The following OVCA2 variants were observed in gnomAD, a reference collection of about 807,000 sequenced individuals.
OVCA2 encodes esterase OVCA2.
Under a neutral mutation model 10.1 loss-of-function variants are expected in OVCA2, and 14 were observed. That is an observed-to-expected ratio of 1.39 (90% CI 0.92 to 2.17). The LOEUF (loss-of-function observed/expected upper bound fraction) is 2.17. OVCA2 is among the 30% of genes most tolerant of loss of function. OVCA2 has a pLI of 0.00. For synonymous variants in OVCA2, 201 were observed against 134.1 expected (o/e 1.50, Z -3.45); for missense variants, 376 against 300.5 (o/e 1.25, Z -1.86).
chr17:2,042,438 T>G (rs2067556781), intron 1 of OVCA2, 167 bp from the exon 2 acceptor site: 2 of 1,273,016 alleles, frequency 1.6e-6, no homozygotes, highest in African/African-American at 1.5e-5. Flanking sequence ...CTCCGCTGTC[T>G]CCTGTTCAGG....
Position 2,042,495 on chromosome 17 carries a change from C to G in OVCA2, c.185-110C>G, listed in dbSNP as rs558641493. 677 of 1,424,536 alleles carry G rather than the reference C, an allele frequency of 4.8e-4. 2 individuals are homozygous for G. Among genetic ancestry groups the G allele is most frequent in the Middle Eastern group, 2.1e-3 (11 of 5,264 alleles). The allele number at this position is 1,424,536 out of a possible 1,614,324, so 88.2% of individuals were successfully genotyped here. Reference sequence around the variant, plus strand: ...TCTCATTTCCCCCAGACTTTTGCCTCGATTCCCTTTTTCTCTCTGTCATCT... The same window carrying G: ...TCTCATTTCCCCCAGACTTTTGCCTGGATTCCCTTTTTCTCTCTGTCATCT... On this transcript the variant is annotated intron_variant, in intron 1 of 1. Transcript: ENST00000572195.
rs1227107128 is a variant in OVCA2 at position 2,042,182 on chromosome 17, G to A, written c.135G>A (p.Pro45=). The change falls in exon 1 of 2, where the codon CCG becomes CCA. Residue 45 remains proline (P), a synonymous_variant. Coordinates refer to ENST00000572195, the MANE Select transcript of OVCA2 (RefSeq NM_080822.3). ...CCGAGCTCGTGTGCCTCAGCGGCCC[G>A]CACCCGGTCCCCGACCCCCCGGGCC... ...GRAELVCLSG[P]HPVPDPPGPE... 1 of 1,448,254 alleles carries A rather than the reference G, an allele frequency of 6.9e-7. No individual in the cohort carries two copies. The highest frequency in any genetic ancestry group is 2.7e-5 in the Admixed American group (1 of 36,570). The allele number at this position is 1,448,254 out of a possible 1,614,324, so 89.7% of individuals were successfully genotyped here.
Position 2,042,077 on chromosome 17 carries a change from G to C in OVCA2, c.30G>C (p.Leu10=). 2 of 1,563,086 alleles carry C rather than the reference G, an allele frequency of 1.3e-6. No homozygotes were observed. The highest frequency in any genetic ancestry group is 1.7e-6 in the Non-Finnish European group (2 of 1,163,896). The change falls in exon 1 of 2, where the codon CTG becomes CTC. Residue 10 remains leucine (L), a synonymous_variant. Coordinates refer to ENST00000572195, the MANE Select transcript of OVCA2 (RefSeq NM_080822.3). ...CCGCGCAGCGACCCCTGCGGGTCCT[G>C]TGCCTGGCGGGCTTCCGGCAGAGCG... MAAQRPLRV[L]CLAGFRQSER... is the part of the protein sequence containing the mutation.
Position 2,042,596 on chromosome 17 carries a change from T to G in OVCA2, c.185-9T>G. The G allele has an allele frequency of 2.6e-6, 4 of 1,510,510 alleles. No homozygotes were observed. Among genetic ancestry groups the G allele is most frequent in the Middle Eastern group, 1.8e-4 (1 of 5,580 alleles). 93.6% of individuals were successfully genotyped at this position (1,510,510 alleles called of 1,614,324 possible). ...CCTAATCCCATCCTTTTTCCTCATATCGCTGTAGGGTCCTGCCCTCCGGAG... is the reference window on the plus strand; with the variant it reads ...CCTAATCCCATCCTTTTTCCTCATAGCGCTGTAGGGTCCTGCCCTCCGGAG... On this transcript the variant is annotated splice_polypyrimidine_tract_variant and intron_variant, in intron 1 of 1. Transcript: ENST00000572195.
rs201458913 is a variant in OVCA2, at chr17:2,042,196, A to G, written c.149A>G (p.Asp50Gly). Reference sequence around the variant, plus strand: ...CTCAGCGGCCCGCACCCGGTCCCCGACCCCCCGGGCCCCGAGGGCGCCAGA... The same window carrying G: ...CTCAGCGGCCCGCACCCGGTCCCCGGCCCCCCGGGCCCCGAGGGCGCCAGA... Reference protein sequence around the residue: ...VCLSGPHPVPDPPGPEGARSD... With the variant: ...VCLSGPHPVPGPPGPEGARSD... Residue 50 changes from aspartate (D) to glycine (G), a missense_variant, in exon 1 of 2, where the codon GAC (aspartate) becomes GGC (glycine). Coordinates refer to ENST00000572195, the MANE Select transcript of OVCA2 (RefSeq NM_080822.3). 1,740 of 1,413,932 alleles carry G rather than the reference A, an allele frequency of 1.2e-3. 6 individuals are homozygous for G. Among genetic ancestry groups the G allele is most frequent in the Admixed American group, 1.8e-3 (60 of 33,596 alleles). 87.6% of individuals were successfully genotyped at this position (1,413,932 alleles called of 1,614,324 possible). A position where few individuals can be genotyped will look rare whatever the true frequency, so the allele number is the denominator to read the frequency against.
In OVCA2 at chr17:2,043,334, T is replaced by G; in HGVS notation, c.*230T>G. On this transcript the variant is annotated 3_prime_UTR_variant, in exon 2 of 2. Transcript: ENST00000572195. Reference sequence around the variant, plus strand: ...TGACTTGTGAAAACGCAAACATGAATATGGTTGGAGAGCCCTGGATTAGGA... The same window carrying G: ...TGACTTGTGAAAACGCAAACATGAAGATGGTTGGAGAGCCCTGGATTAGGA... 1.8e-6 allele frequency: 1 copy of G among 542,656 alleles called. No homozygotes were observed. Among genetic ancestry groups the G allele is most frequent in the Non-Finnish European group, 3.2e-6 (1 of 314,086 alleles). The allele number at this position is 542,656 out of a possible 1,614,324, so 33.6% of individuals were successfully genotyped here.
chr17:2,043,092 G>A lies in OVCA2; in HGVS notation c.672G>A (p.Gln224=). The change falls in exon 2 of 2, where the codon CAG becomes CAA. Residue 224 remains glutamine (Q), a synonymous_variant. Transcript: ENST00000572195. ...QRQAYLKFLD[Q]FAE ...AGGCCTACCTCAAGTTCTTGGACCA[G>A]TTTGCAGAGTGAAAGATCAAGAAAT... is the stretch of plus-strand genomic sequence containing the variant. 6.2e-7 allele frequency: 1 copy of A among 1,613,276 alleles called. No homozygotes were observed. The highest frequency in any genetic ancestry group is 1.7e-5 in the Admixed American group (1 of 59,998).
rs763274002 is a variant in OVCA2 at position 2,042,081 on chromosome 17, C to T, written c.34C>T (p.Leu12=). 1.8e-5 allele frequency: 28 copies of T among 1,564,568 alleles called. No individual in the cohort carries two copies. The African/African-American group carries it at 3.3e-4, about 18-fold the overall frequency. Residue 12 remains leucine, a synonymous_variant, in exon 1 of 2, where the codon CTG becomes TTG. Transcript: ENST00000572195. ...GCAGCGACCCCTGCGGGTCCTGTGC[C>T]TGGCGGGCTTCCGGCAGAGCGAGCG... is the stretch of plus-strand genomic sequence containing the variant. ...AAQRPLRVLC[L]AGFRQSERGF...
intron 1 of OVCA2, 119 bp downstream of exon 1, chr17:2,042,350 C>T (rs1270705057): frequency 1.5e-6 from 2 of 1,351,698 alleles, no homozygotes; most frequent in Admixed American, 3.6e-5. Flanking sequence ...CCAGTCCACA[C>T]CCTTCATTTC....
Position 2,043,016 on chromosome 17 carries a change from C to G in OVCA2, c.596C>G (p.Thr199Ser), listed in dbSNP as rs1270509025. Residue 199 changes from threonine (T) to serine (S), a missense_variant, in exon 2 of 2, where the codon ACC (threonine) becomes AGC (serine). Coordinates refer to ENST00000572195, the MANE Select transcript of OVCA2 (RefSeq NM_080822.3). The part of the protein sequence containing the change: ...QLASQFPGAI[T>S]LTHSGGHFIP... ...GCCAGCCAATTTCCCGGAGCCATCACCCTCACCCACTCTGGTGGCCACTTC... is the reference window on the plus strand; with the variant it reads ...GCCAGCCAATTTCCCGGAGCCATCAGCCTCACCCACTCTGGTGGCCACTTC... The G allele has an allele frequency of 6.2e-7, 1 of 1,614,114 alleles. No individual in the cohort carries two copies. The highest frequency in any genetic ancestry group is 8.5e-7 in the Non-Finnish European group (1 of 1,180,024).
In OVCA2 at chr17:2,042,197, CCCCCCGGGCCCCGAG is replaced by C. The variant is rs779653964; in HGVS notation, c.151_165del (p.Pro51_Glu55del). 1.4e-5 allele frequency: 20 copies of C among 1,430,440 alleles called. 1 individual carries two copies. In the Admixed American group the frequency reaches 3.2e-4, roughly 23 times the overall value. 88.6% of individuals were successfully genotyped at this position (1,430,440 alleles called of 1,614,324 possible). On this transcript the variant is annotated inframe_deletion, in exon 1 of 2. Coordinates refer to ENST00000572195, the MANE Select transcript of OVCA2 (RefSeq NM_080822.3). ...TCAGCGGCCCGCACCCGGTCCCCGA[CCCCCCGGGCCCCGAG>C]GGCGCCAGATCAGACTTCGGTGAGA... is the stretch of plus-strand genomic sequence containing the variant.
intron 1 of OVCA2, 107 bp from the exon 2 acceptor site, chr17:2,042,498 T>C: frequency 7.1e-7 from 1 of 1,415,410 alleles, no homozygotes; most frequent in Non-Finnish European, 9.3e-7. Flanking sequence ...TTTGCCTCGA[T>C]TCCCTTTTTC....
At chr17:2,042,306 TC>T (rs2067552178) in intron 1 of OVCA2, 75 bp downstream of exon 1, 1 of 1,391,416 alleles carries the variant, frequency 7.2e-7, no homozygotes, top group Non-Finnish European at 9.3e-7. Context: ...CCCTTCAGCA[TC>T]CCCCACCCTG....
chr17:2,043,383 C>T lies in OVCA2; in HGVS notation c.*279C>T. ...GAGGGTGACATGGGGAAGGCAGAGG[C>T]TGGCACCATGGTGACTGCCACATAA... On this transcript the variant is annotated 3_prime_UTR_variant, in exon 2 of 2. Transcript: ENST00000572195. 2.5e-6 allele frequency: 1 copy of T among 404,904 alleles called. No homozygotes were observed. Among genetic ancestry groups the T allele is most frequent in the Non-Finnish European group, 4.4e-6 (1 of 226,496 alleles). The allele number at this position is 404,904 out of a possible 1,614,324, so 25.1% of individuals were successfully genotyped here.
rs1192469099 is a variant in OVCA2, at chr17:2,043,083, C to T, written c.663C>T (p.Phe221=). ...CCCAGCGTCAGGCCTACCTCAAGTT[C>T]TTGGACCAGTTTGCAGAGTGAAAGA... ...AAPQRQAYLK[F]LDQFAE Residue 221 remains phenylalanine (F), a synonymous_variant, in exon 2 of 2, where the codon TTC becomes TTT. Transcript: ENST00000572195. 2 of 1,613,658 alleles carry T rather than the reference C, an allele frequency of 1.2e-6. No homozygotes were observed. Among genetic ancestry groups the T allele is most frequent in the African/African-American group, 1.3e-5 (1 of 74,934 alleles).
At position 2,042,588 on chromosome 17, in the gene OVCA2, TC is replaced by T; in HGVS notation, c.185-15del. On this transcript the variant is annotated splice_polypyrimidine_tract_variant and intron_variant, in intron 1 of 1. Coordinates refer to ENST00000572195, the MANE Select transcript of OVCA2 (RefSeq NM_080822.3). ...TCCCATGCCCTAATCCCATCCTTTTTCCTCATATCGCTGTAGGGTCCTGCCC... is the reference window on the plus strand; with the variant it reads ...TCCCATGCCCTAATCCCATCCTTTTTCTCATATCGCTGTAGGGTCCTGCCC... 2 of 1,508,652 alleles carry T rather than the reference TC, an allele frequency of 1.3e-6. No homozygotes were observed. Among genetic ancestry groups the T allele is most frequent in the Non-Finnish European group, 8.8e-7 (1 of 1,130,508 alleles). The allele number at this position is 1,508,652 out of a possible 1,614,324, so 93.5% of individuals were successfully genotyped here.
rs761067744 is a variant in OVCA2 at position 2,042,894 on chromosome 17, C to T, written c.474C>T (p.Phe158=). 6.2e-7 allele frequency: 1 copy of T among 1,614,190 alleles called. No homozygotes were observed. The highest frequency in any genetic ancestry group is 1.7e-5 in the Admixed American group (1 of 60,020). The change falls in exon 2 of 2, where the codon TTC becomes TTT. Residue 158 remains phenylalanine, a synonymous_variant. Transcript: ENST00000572195. ...GTTTCTGTCCCCGGGGCATTGGGTT[C>T]AAGGAATCCATCCTGCAAAGGCCCT... The part of the protein sequence containing the change: ...VSGFCPRGIG[F]KESILQRPLS...
chr17:2,042,122 G>A lies in OVCA2; in HGVS notation c.75G>A (p.Lys25=), dbSNP rs746645145. 21 of 1,562,652 alleles carry A rather than the reference G, an allele frequency of 1.3e-5. No homozygotes were observed. In the South Asian group the frequency reaches 2.4e-4, roughly 18 times the overall value. Reference sequence around the variant, plus strand: ...AGAGCGAGCGGGGCTTCCGTGAGAAGACCGGGGCGCTGAGGAAGGCGCTGC... The same window carrying A: ...AGAGCGAGCGGGGCTTCCGTGAGAAAACCGGGGCGCTGAGGAAGGCGCTGC... The part of the protein sequence containing the change: ...FRQSERGFRE[K]TGALRKALRG... Residue 25 remains lysine (K), a synonymous_variant, in exon 1 of 2, where the codon AAG becomes AAA. Transcript: ENST00000572195.
rs764443632 is a variant in OVCA2, at chr17:2,042,109, G to A, written c.62G>A (p.Gly21Asp). 3 of 1,568,708 alleles carry A rather than the reference G, an allele frequency of 1.9e-6. No individual in the cohort carries two copies. Among genetic ancestry groups the A allele is most frequent in the South Asian group, 1.1e-5 (1 of 87,644 alleles). The change falls in exon 1 of 2, where the codon GGC becomes GAC. Residue 21 changes from glycine (G) to aspartate (D), a missense_variant. By Grantham distance (94) the Gly-to-Asp change is moderately conservative. Coordinates refer to ENST00000572195, the MANE Select transcript of OVCA2 (RefSeq NM_080822.3). ...CLAGFRQSER[G>D]FREKTGALRK... ...GCGGGCTTCCGGCAGAGCGAGCGGG[G>A]CTTCCGTGAGAAGACCGGGGCGCTG...
Sources: allele counts gnomAD v4.1 joint callset, GRCh38; gene constraint gnomAD v4.1.1; transcripts MANE v1.5; gene names NCBI Gene and HGNC (gene_info 2026-07-23, HGNC 2026-07-21).